The following DLGAP2 variants were observed in gnomAD, a reference collection of about 807,000 sequenced individuals.
DLGAP2 encodes DLG associated protein 2, also known as disks large-associated protein 2.
A neutral mutation model predicts 100.3 loss-of-function variants in DLGAP2; 26 were observed. The ratio of observed to expected loss-of-function variants is 0.26; its 90% CI spans 0.19 to 0.36. The LOEUF is 0.36. Ranked by LOEUF, DLGAP2 falls within the 10% of genes least tolerant of loss-of-function variation. The pLI, the probability that DLGAP2 is intolerant of heterozygous loss-of-function variation, is 1.00. For missense variants in DLGAP2, 1,858 were observed against 1,453.2 expected (o/e 1.28, Z -4.53); for synonymous variants, 886 against 630.1 (o/e 1.41, Z -6.08).
intron 3 of DLGAP2, among the ~76,000 whole-genome samples, chr8:1,417,689 A>G (rs5024509): frequency 0.59 from 46,604 of 78,364 alleles, 12,841 homozygotes; most frequent in Non-Finnish European, 0.64. Flanking sequence ...AGGGGGGCAC[A>G]GGGGGCCCCA....
chr8:1,142,984 A>G (rs1450292703), intron 2 of DLGAP2, among the ~76,000 whole-genome samples: 5 of 152,160 alleles, frequency 3.3e-5, no homozygotes, highest in Admixed American at 6.5e-5. Flanking sequence ...TACACAGGAT[A>G]GAGGCCATTT....
At position 1,073,314 on chromosome 8, in the gene DLGAP2, A is replaced by G. The variant is rs182116709; in HGVS notation, c.73+165348A>G. Among the ~76,000 whole-genome samples the G allele has an allele frequency of 3.3e-5, 5 of 152,338 alleles. No homozygotes were observed. The East Asian group carries it at 7.7e-4, about 23-fold the overall frequency. ...AACTGGGTATAAAACAAATAGCCAA[A>G]TCATTTGTTTTACTAAATTACAGGG... is the stretch of plus-strand genomic sequence containing the variant. On this transcript the variant is annotated intron_variant, in intron 2 of 14. Coordinates refer to ENST00000637795, the MANE Select transcript of DLGAP2 (RefSeq NM_001346810.2).
intron 2 of DLGAP2, among the ~76,000 whole-genome samples, chr8:1,191,445 T>G (rs12676811): frequency 6.6e-6 from 1 of 152,092 alleles, no homozygotes; most frequent in Non-Finnish European, 1.5e-5. Flanking sequence ...GCGGGGATTA[T>G]AGGCGTGAGC....
intron 2 of DLGAP2, among the ~76,000 whole-genome samples, chr8:1,101,137 G>T (rs1342443483): frequency 6.6e-6 from 1 of 152,226 alleles, no homozygotes; most frequent in Non-Finnish European, 1.5e-5. Context: ...AATCTGCACT[G>T]ATGGGCATGG....
At chr8:1,522,428 C>T (rs1453610062) in intron 4 of DLGAP2, among the ~76,000 whole-genome samples, 1 of 152,208 alleles carries the variant, frequency 6.6e-6, no homozygotes, top group Non-Finnish European at 1.5e-5. Flanking sequence ...GGGGGACCTC[C>T]TTTTGCTCAG....
At chr8:1,471,336 C>G (rs192433021) in intron 3 of DLGAP2, among the ~76,000 whole-genome samples, 5 of 88,552 alleles carry the variant, frequency 5.6e-5, no homozygotes, top group Non-Finnish European at 5.2e-5. Flanking sequence ...ACCCCTCCAG[C>G]CTTTCCCGAC....
chr8:824,162 C>T (rs1261061519), intron 1 of DLGAP2, among the ~76,000 whole-genome samples: 1 of 152,104 alleles, frequency 6.6e-6, no homozygotes, highest in Non-Finnish European at 1.5e-5. Flanking sequence ...GCAGCCTCAA[C>T]CTCCTGGGCT....
At chr8:1,372,692 C>T (rs1054845102) in intron 3 of DLGAP2, among the ~76,000 whole-genome samples, 10 of 152,148 alleles carry the variant, frequency 6.6e-5, no homozygotes, top group East Asian at 5.8e-4. Flanking sequence ...TGGACATGGA[C>T]GGCGTGGGCT....
chr8:1,374,863 G>T (rs573918083), intron 3 of DLGAP2, among the ~76,000 whole-genome samples: 1 of 152,156 alleles, frequency 6.6e-6, no homozygotes, highest in African/African-American at 2.4e-5. Flanking sequence ...GGTGCCGCAC[G>T]GCCTGGCACT....
chr8:1,282,730 C>A (rs1416583774), intron 3 of DLGAP2, among the ~76,000 whole-genome samples: 23 of 135,716 alleles, frequency 1.7e-4, no homozygotes, highest in Non-Finnish European at 2.9e-4. Context: ...GCGCCCTGAA[C>A]CATCTGGACG....
intron 3 of DLGAP2, among the ~76,000 whole-genome samples, chr8:1,471,926 C>A (rs1051542417): frequency 3.9e-5 from 6 of 152,242 alleles, no homozygotes; most frequent in Non-Finnish European, 5.9e-5. Flanking sequence ...ATTGCAACCA[C>A]TTCTTGTGCC....
chr8:1,269,781 G>A (rs1799541794), intron 3 of DLGAP2, among the ~76,000 whole-genome samples: 1 of 152,138 alleles, frequency 6.6e-6, no homozygotes, highest in Non-Finnish European at 1.5e-5. Flanking sequence ...GGCTGGCGAG[G>A]ATTTTTAGAC....
intron 3 of DLGAP2, among the ~76,000 whole-genome samples, chr8:1,324,640 C>T (rs17754395): frequency 0.13 from 19,073 of 152,228 alleles, 1,463 homozygotes; most frequent in East Asian, 0.23. Context: ...CTCTCAAAAG[C>T]GCCTTTGGAC....
chr8:1,496,003 G>T (rs778076990), intron 3 of DLGAP2, among the ~76,000 whole-genome samples: 4 of 152,104 alleles, frequency 2.6e-5, no homozygotes, highest in Non-Finnish European at 4.4e-5. Context: ...AGTGACGTGG[G>T]GCCCCCGGCA....
At chr8:759,086 C>T (rs1386477007) in intron 1 of DLGAP2, among the ~76,000 whole-genome samples, 5 of 84,022 alleles carry the variant, frequency 6.0e-5, no homozygotes, top group African/African-American at 1.6e-4. Context: ...CCCCCACAGC[C>T]TTCCTGTTAT....
At chr8:1,227,653 A>C (rs1174509339) in intron 2 of DLGAP2, among the ~76,000 whole-genome samples, 1 of 152,150 alleles carries the variant, frequency 6.6e-6, no homozygotes, top group Non-Finnish European at 1.5e-5. Context: ...CCGTTATGCT[A>C]AATGAAATAA....
At position 977,781 on chromosome 8, in the gene DLGAP2, C is replaced by T. The variant is rs1277694432; in HGVS notation, c.73+69815C>T. Among the ~76,000 whole-genome samples, 32 of 117,632 alleles carry T rather than the reference C, an allele frequency of 2.7e-4. No homozygotes were observed. The South Asian group carries it at 4.9e-3, about 18-fold the overall frequency. The allele number at this position is 117,632 out of a possible 152,430, so 77.2% of individuals were successfully genotyped here. On this transcript the variant is annotated intron_variant, in intron 2 of 14. Transcript: ENST00000637795. ...CTGGTCTTTGGTGTTGTGGGGAGGG[C>T]GTCGGGGATGCAGTGAGGTGCTGGG...
chr8:1,207,463 T>C (rs1221061100), intron 2 of DLGAP2, among the ~76,000 whole-genome samples: 11 of 152,214 alleles, frequency 7.2e-5, no homozygotes, highest in Non-Finnish European at 1.6e-4. Context: ...CCACATTTTC[T>C]TTTTTTACTC....
At chr8:1,160,287 CAG>C (rs1360009115) in intron 2 of DLGAP2, among the ~76,000 whole-genome samples, 2 of 152,156 alleles carry the variant, frequency 1.3e-5, no homozygotes, top group Non-Finnish European at 2.9e-5. Flanking sequence ...CCTCGGCAGT[CAG>C]TGATTGACAG....
Sources: gnomAD v4.1 joint callset for allele counts (sites outside exome capture counted in the v4.1 genomes callset) on GRCh38, gnomAD v4.1.1 for gene constraint, MANE v1.5 for transcripts, NCBI Gene and HGNC (gene_info 2026-07-23, HGNC 2026-07-21) for gene names.